Variants in GALNT13 observed in about 807,000 individuals in gnomAD.
GALNT13 encodes polypeptide N-acetylgalactosaminyltransferase 13, also known as UDP-GalNAc:polypeptide N-acetylgalactosaminyltransferase 13.
In GALNT13, 28 loss-of-function variants were observed where a neutral mutation model predicts 64.2. The ratio of observed to expected loss-of-function variants is 0.44; its 90% CI spans 0.32 to 0.60. GALNT13 has a LOEUF of 0.60. GALNT13 is among the 20% of genes least tolerant of loss of function. The pLI is 0.05. For missense variants in GALNT13, 577 were observed against 669.8 expected, an observed-to-expected ratio of 0.86 and a Z score of 1.53; for synonymous variants, 214 against 224.6, an observed-to-expected ratio of 0.95 and a Z score of 0.42.
intron 2 of GALNT13, among the ~76,000 whole-genome samples, chr2:153,933,070 T>C (rs549060877): frequency 2.0e-5 from 3 of 152,360 alleles, no homozygotes; most frequent in African/African-American, 7.2e-5. Flanking sequence ...ATTTGCCATG[T>C]ACAGATGAAA....
chr2:154,434,200 C>T (rs1247521619), intron 11 of GALNT13, among the ~76,000 whole-genome samples: 1 of 152,138 alleles, frequency 6.6e-6, no homozygotes, highest in Non-Finnish European at 1.5e-5. Context: ...GTTATGACAG[C>T]CCTAGTGAAC....
At chr2:154,438,845 G>A (rs2105471469) in intron 12 of GALNT13, 119 bp downstream of exon 12, 1 of 792,686 alleles carries the variant, frequency 1.3e-6, no homozygotes, top group Non-Finnish European at 2.0e-6. Flanking sequence ...AGATTTTCAA[G>A]CATGCAGGCT....
At chr2:153,442,656 C>G in the GALNT13 span, among the ~76,000 whole-genome samples, 1 of 152,140 alleles carries the variant, frequency 6.6e-6, no homozygotes, top group Non-Finnish European at 1.5e-5. Flanking sequence ...GCTGCCCCTT[C>G]CCCCAGGTGC....
At chr2:153,260,913 G>C in the GALNT13 span, among the ~76,000 whole-genome samples, 3 of 150,680 alleles carry the variant, frequency 2.0e-5, no homozygotes, top group African/African-American at 7.4e-5. Context: ...GTCTCCCCTA[G>C]CTATGTATTT....
intron 8 of GALNT13, among the ~76,000 whole-genome samples, chr2:154,289,199 T>C (rs994906431): frequency 6.6e-6 from 1 of 152,142 alleles, no homozygotes; most frequent in Non-Finnish European, 1.5e-5. Context: ...GCTCTACATT[T>C]GCCCCTTTTA....
Position 154,301,432 on chromosome 2 carries a change from G to A in GALNT13, c.999G>A (p.Leu333=). 1 of 1,612,430 alleles carries A rather than the reference G, an allele frequency of 6.2e-7. No individual in the cohort carries two copies. The highest frequency in any genetic ancestry group is 8.5e-7 in the Non-Finnish European group (1 of 1,178,902). Residue 333 remains leucine, a synonymous_variant, in exon 9 of 13, where the codon TTG becomes TTA. Coordinates refer to ENST00000392825, the MANE Select transcript of GALNT13 (RefSeq NM_052917.4). The part of the protein sequence containing the change: ...SFRIWQCGGS[L]EIVTCSHVGH... ...AGATTTGGCAATGTGGAGGCTCCTTGGAGATTGTTACTTGCTCCCATGTTG... is the reference window on the plus strand; with the variant it reads ...AGATTTGGCAATGTGGAGGCTCCTTAGAGATTGTTACTTGCTCCCATGTTG...
At chr2:154,208,441 A>G (rs1687585518) in intron 4 of GALNT13, among the ~76,000 whole-genome samples, 1 of 152,294 alleles carries the variant, frequency 6.6e-6, no homozygotes. Flanking sequence ...GTGAAATCTA[A>G]TATTAGGTAA....
the GALNT13 span, among the ~76,000 whole-genome samples, chr2:153,471,539 C>G: frequency 1.5e-4 from 23 of 152,118 alleles, no homozygotes; most frequent in African/African-American, 5.3e-4. Flanking sequence ...TAAATGTAAA[C>G]GTTTCTAGCC....
At chr2:153,694,549 A>T in the GALNT13 span, among the ~76,000 whole-genome samples, 1 of 152,184 alleles carries the variant, frequency 6.6e-6, no homozygotes, top group Non-Finnish European at 1.5e-5. Context: ...GACTTTTAGG[A>T]ACAGACACAA....
At chr2:153,244,579 G>A in the GALNT13 span, among the ~76,000 whole-genome samples, 1 of 152,346 alleles carries the variant, frequency 6.6e-6, no homozygotes, top group Non-Finnish European at 1.5e-5. Flanking sequence ...GGGAAGCCAT[G>A]AAGGACTGTG....
At chr2:153,920,366 A>G (rs1476612452) in intron 2 of GALNT13, among the ~76,000 whole-genome samples, 1 of 152,130 alleles carries the variant, frequency 6.6e-6, no homozygotes, top group Non-Finnish European at 1.5e-5. Flanking sequence ...AAAGCTAACA[A>G]AAACAAGCAA....
At chr2:153,155,350 C>T in the GALNT13 span, among the ~76,000 whole-genome samples, 2 of 152,028 alleles carry the variant, frequency 1.3e-5, no homozygotes, top group African/African-American at 2.4e-5. Context: ...CTTTTTTGGT[C>T]CTGGGCTTTT....
chr2:153,074,078 G>T, the GALNT13 span, among the ~76,000 whole-genome samples: 1 of 152,184 alleles, frequency 6.6e-6, no homozygotes, highest in East Asian at 1.9e-4. Context: ...GTACTTCTAG[G>T]AATTTCTGTT....
rs192723866 is a variant in GALNT13, at chr2:153,986,380, A to G, written c.142+41741A>G. ...TAAATGAGATATTCCTGGGTAAGTC[A>G]GATATCACACAGTAATCAATAAGTG... On this transcript the variant is annotated intron_variant, in intron 3 of 12. Transcript: ENST00000392825. Among the ~76,000 whole-genome samples, 6 of 152,140 alleles carry G rather than the reference A, an allele frequency of 3.9e-5. No homozygotes were observed. In the East Asian group the frequency reaches 1.2e-3, roughly 29 times the overall value.
At chr2:153,767,021 G>A in the GALNT13 span, among the ~76,000 whole-genome samples, 2 of 151,966 alleles carry the variant, frequency 1.3e-5, no homozygotes, top group African/African-American at 2.4e-5. Context: ...TGTACTGGTG[G>A]GGATTGGGCT....
chr2:154,386,138 A>C (rs1314686753), intron 9 of GALNT13, among the ~76,000 whole-genome samples: 1 of 152,014 alleles, frequency 6.6e-6, no homozygotes, highest in Non-Finnish European at 1.5e-5. Flanking sequence ...GCTGCACAGA[A>C]ATTCAATCAC....
intron 3 of GALNT13, among the ~76,000 whole-genome samples, chr2:154,000,791 T>C (rs1450833275): frequency 6.6e-6 from 1 of 152,024 alleles, no homozygotes; most frequent in Non-Finnish European, 1.5e-5. Context: ...ATTCTGTAAA[T>C]GTCTGTTAAG....
the GALNT13 span, among the ~76,000 whole-genome samples, chr2:153,601,246 T>C: frequency 6.6e-6 from 1 of 151,824 alleles, no homozygotes; most frequent in Non-Finnish European, 1.5e-5. Context: ...TTAAGCTCCT[T>C]AATCATTGAT....
the GALNT13 span, among the ~76,000 whole-genome samples, chr2:153,366,629 G>C: frequency 0.49 from 74,417 of 150,770 alleles, 19,077 homozygotes; most frequent in Non-Finnish European, 0.54. Flanking sequence ...AGAAGTGATG[G>C]GCAAAAATAT....
Sources: gnomAD v4.1 joint callset for allele counts (sites outside exome capture counted in the v4.1 genomes callset) on GRCh38, gnomAD v4.1.1 for gene constraint, MANE v1.5 for transcripts, NCBI Gene and HGNC (gene_info 2026-07-23, HGNC 2026-07-21) for gene names.